Variants in PABPC4L observed in about 807,000 individuals in gnomAD.
PABPC4L encodes the protein poly(A) binding protein cytoplasmic 4 like.
For synonymous variants in PABPC4L, 169 were observed against 164.1 expected (o/e 1.03, Z -0.23); for missense variants, 452 against 451.4 (o/e 1.00, Z -0.01).
At chr4:134,040,056 G>A in the PABPC4L span, among the ~76,000 whole-genome samples, 4 of 151,954 alleles carry the variant, frequency 2.6e-5, no homozygotes, top group Non-Finnish European at 4.4e-5. Flanking sequence ...ACTGCTCAAA[G>A]AAATAAGAGA....
the PABPC4L span, among the ~76,000 whole-genome samples, chr4:134,110,171 G>A: frequency 6.6e-6 from 1 of 151,684 alleles, no homozygotes. Flanking sequence ...ATCAATGGTG[G>A]GCAATAAAGT....
chr4:134,093,002 T>C, the PABPC4L span, among the ~76,000 whole-genome samples: 2 of 152,074 alleles, frequency 1.3e-5, no homozygotes, highest in Non-Finnish European at 1.5e-5. Flanking sequence ...TTTTATAGGT[T>C]TTTGAATCTA....
the PABPC4L span, among the ~76,000 whole-genome samples, chr4:134,136,398 T>C: frequency 1.3e-5 from 2 of 152,256 alleles, no homozygotes; most frequent in African/African-American, 4.8e-5. Flanking sequence ...TAGTCTGCTT[T>C]GTTTTGTTTT....
the PABPC4L span, among the ~76,000 whole-genome samples, chr4:134,050,347 T>C: frequency 6.6e-6 from 1 of 152,056 alleles, no homozygotes; most frequent in Admixed American, 6.6e-5. Context: ...TGAAATAATA[T>C]CTTGACACAT....
chr4:134,060,146 A>T, the PABPC4L span, among the ~76,000 whole-genome samples: 2 of 152,114 alleles, frequency 1.3e-5, no homozygotes, highest in East Asian at 3.9e-4. Flanking sequence ...GATAGCATTT[A>T]GACCAGCTCT....
In PABPC4L at chr4:134,201,154, A is replaced by C. The variant is rs1264978817; in HGVS notation, c.-135T>G. 2.6e-6 allele frequency: 4 copies of C among 1,549,540 alleles called. No homozygotes were observed. Among genetic ancestry groups the C allele is most frequent in the South Asian group, 2.4e-5 (2 of 83,206 alleles). ...TCACCACACAAAGGCCAAGCAATGG[A>C]GTTCAGACACGACTCCCCCAGCTCA... On this transcript the variant is annotated 5_prime_UTR_variant, in exon 2 of 2. Coordinates refer to ENST00000421491, the MANE Select transcript of PABPC4L (RefSeq NM_001114734.2).
At chr4:134,020,142 C>A in the PABPC4L span, among the ~76,000 whole-genome samples, 36 of 151,980 alleles carry the variant, frequency 2.4e-4, no homozygotes, top group African/African-American at 8.7e-4. Flanking sequence ...GGATCTCATG[C>A]AAGAAAGAAT....
the PABPC4L span, among the ~76,000 whole-genome samples, chr4:133,993,361 T>G: frequency 6.6e-6 from 1 of 152,132 alleles, no homozygotes; most frequent in Non-Finnish European, 1.5e-5. Context: ...GTTGAAACTG[T>G]GAGCTGATGT....
chr4:134,124,185 T>C, the PABPC4L span, among the ~76,000 whole-genome samples: 3 of 152,098 alleles, frequency 2.0e-5, no homozygotes, highest in Non-Finnish European at 4.4e-5. Context: ...TTGGGTTTTT[T>C]GTCATACCCA....
chr4:134,194,176 C>T (rs1729590045), downstream of PABPC4L, among the ~76,000 whole-genome samples: 1 of 151,716 alleles, frequency 6.6e-6, no homozygotes, highest in Non-Finnish European at 1.5e-5. Flanking sequence ...TTTTGCTCCT[C>T]TAATAAGTGC....
the PABPC4L span, among the ~76,000 whole-genome samples, chr4:133,998,414 A>C: frequency 6.6e-6 from 1 of 151,526 alleles, no homozygotes; most frequent in South Asian, 2.1e-4. Flanking sequence ...TGTATGTATC[A>C]TTTTCTTTTA....
At chr4:134,091,972 T>C in the PABPC4L span, among the ~76,000 whole-genome samples, 3 of 152,084 alleles carry the variant, frequency 2.0e-5, 1 homozygote, top group South Asian at 6.2e-4. Flanking sequence ...GGGTACTGTT[T>C]TTAGGAGCTT....
the PABPC4L span, among the ~76,000 whole-genome samples, chr4:133,995,551 T>C: frequency 6.6e-6 from 1 of 152,150 alleles, no homozygotes; most frequent in African/African-American, 2.4e-5. Flanking sequence ...GGCTAACCAA[T>C]TGATAAATTC....
the PABPC4L span, among the ~76,000 whole-genome samples, chr4:133,965,313 T>C: frequency 2.1e-4 from 32 of 151,888 alleles, no homozygotes; most frequent in Non-Finnish European, 4.1e-4. Context: ...CTGAAAGAAA[T>C]GAGAGATGAC....
At chr4:134,030,355 A>T in the PABPC4L span, among the ~76,000 whole-genome samples, 6 of 152,072 alleles carry the variant, frequency 3.9e-5, no homozygotes, top group Admixed American at 2.6e-4. Flanking sequence ...ATTTTTTTCT[A>T]AAAGCTTCAA....
the PABPC4L span, among the ~76,000 whole-genome samples, chr4:134,110,749 A>G: frequency 6.6e-6 from 1 of 151,900 alleles, no homozygotes; most frequent in Non-Finnish European, 1.5e-5. Context: ...TCATCTCTAG[A>G]TTACTTATAA....
At chr4:133,991,890 G>T in the PABPC4L span, among the ~76,000 whole-genome samples, 1 of 152,148 alleles carries the variant, frequency 6.6e-6, no homozygotes, top group Admixed American at 6.5e-5. Context: ...GTGGAGTTTC[G>T]GGGTGTAATG....
At chr4:133,969,091 C>G in the PABPC4L span, among the ~76,000 whole-genome samples, 2 of 152,076 alleles carry the variant, frequency 1.3e-5, no homozygotes, top group African/African-American at 2.4e-5. Flanking sequence ...CTCTCTCTCT[C>G]TGTGTTTGTG....
chr4:134,028,926 G>A, the PABPC4L span, among the ~76,000 whole-genome samples: 1 of 152,118 alleles, frequency 6.6e-6, no homozygotes, highest in African/African-American at 2.4e-5. Context: ...TCCAAAACCA[G>A]TGAAGCCTGT....
Sources: allele counts gnomAD v4.1 joint callset (sites outside exome capture counted in the v4.1 genomes callset), GRCh38; gene constraint gnomAD v4.1.1; transcripts MANE v1.5; gene names NCBI Gene and HGNC (gene_info 2026-07-23, HGNC 2026-07-21).